The following CHI3L2 variants were observed in gnomAD, a reference collection of about 807,000 sequenced individuals.
CHI3L2 encodes the protein chitinase 3 like 2.
A neutral mutation model predicts 47.3 loss-of-function variants in CHI3L2; 47 were observed. That is an observed-to-expected ratio of 0.99 (90% confidence interval 0.79 to 1.27). The LOEUF is 1.27. Ranked by LOEUF, CHI3L2 falls within the 50% of genes most tolerant of loss-of-function variation. CHI3L2 has a pLI of 0.00. For missense variants in CHI3L2, 497 were observed against 462.1 expected (o/e 1.08, Z -0.69); for synonymous variants, 198 against 169.9 (o/e 1.17, Z -1.28).
At position 111,238,866 on chromosome 1, in the gene CHI3L2, C is replaced by A. The variant is rs757122419; in HGVS notation, c.852C>A (p.Ala284=). The change falls in exon 8 of 11, where the codon GCC becomes GCA. Residue 284 remains alanine, a synonymous_variant. Transcript: ENST00000369748. ...CCTCTGCAGAAACCACCGTGGGGGC[C>A]CCTGCCTCTGGCCCTGGAGCTGCTG... ...TLASAETTVG[A]PASGPGAAGP... is the part of the protein sequence containing the mutation. 3 of 1,613,550 alleles carry A rather than the reference C, an allele frequency of 1.9e-6. No homozygotes were observed. The highest frequency in any genetic ancestry group is 2.2e-5 in the South Asian group (2 of 90,946).
chr1:111,231,307 C>A lies in CHI3L2; in HGVS notation c.329+13C>A. On this transcript the variant is annotated intron_variant, in intron 4 of 10. Coordinates refer to ENST00000369748, the MANE Select transcript of CHI3L2 (RefSeq NM_004000.3). ...TTGGTTCCAAAGGGTAAGACTACAT[C>A]TTTATTTTTTGTTCATTTCCCCATG... is the stretch of plus-strand genomic sequence containing the variant. 6.3e-7 allele frequency: 1 copy of A among 1,586,554 alleles called. No homozygotes were observed. Among genetic ancestry groups the A allele is most frequent in the Non-Finnish European group, 8.6e-7 (1 of 1,160,026 alleles).
Position 111,235,689 on chromosome 1 carries a change from G to T in CHI3L2, c.531G>T (p.Arg177Ser). ...ACTTCACAAAATCCACCAAGGAAAGGCTTCTCTTGACTGCGGGCGTATCTG... is the reference window on the plus strand; with the variant it reads ...ACTTCACAAAATCCACCAAGGAAAGTCTTCTCTTGACTGCGGGCGTATCTG... ...QKDFTKSTKERLLLTAGVSAG... is the reference protein window; with the variant it reads ...QKDFTKSTKESLLLTAGVSAG... Residue 177 changes from arginine (R) to serine (S), a missense_variant, in exon 6 of 11, where the codon AGG becomes AGT. By Grantham distance (110) the Arg-to-Ser change is moderately radical (BLOSUM62 -1). Coordinates refer to ENST00000369748, the MANE Select transcript of CHI3L2 (RefSeq NM_004000.3). 1.9e-6 allele frequency: 3 copies of T among 1,614,194 alleles called. No homozygotes were observed. Among genetic ancestry groups the T allele is most frequent in the South Asian group, 2.2e-5 (2 of 91,076 alleles).
At chr1:111,238,714 C>T in intron 7 of CHI3L2, 36 bp from the exon 8 acceptor site, 1 of 1,606,284 alleles carries the variant, frequency 6.2e-7, no homozygotes, top group East Asian at 2.2e-5. Flanking sequence ...CTTTCTTTCC[C>T]CACACTCTGA....
chr1:111,241,933 A>T (rs979301110), intron 9 of CHI3L2, among the ~76,000 whole-genome samples: 4 of 152,164 alleles, frequency 2.6e-5, no homozygotes, highest in African/African-American at 9.7e-5. Context: ...AATCCTGGCC[A>T]CTTGTCTTGT....
chr1:111,241,321 T>A lies in CHI3L2; in HGVS notation c.919-6T>A. 1 of 1,482,932 alleles carries A rather than the reference T, an allele frequency of 6.7e-7. No homozygotes were observed. Among genetic ancestry groups the A allele is most frequent in the Non-Finnish European group, 9.4e-7 (1 of 1,058,704 alleles). 91.9% of individuals were successfully genotyped at this position (1,482,932 alleles called of 1,614,324 possible). ...CTGACCCTCTCGTTTCCCTTTCCCCTGCCAGATCTGCCAGTTCCTGAAAGG... is the reference window on the plus strand; with the variant it reads ...CTGACCCTCTCGTTTCCCTTTCCCCAGCCAGATCTGCCAGTTCCTGAAAGG... On this transcript the variant is annotated splice_region_variant and splice_polypyrimidine_tract_variant and intron_variant, in intron 8 of 10. Transcript: ENST00000369748.
At chr1:111,228,324 A>AGGAGG (rs1355554472) in intron 1 of CHI3L2, among the ~76,000 whole-genome samples, 1 of 152,176 alleles carries the variant, frequency 6.6e-6, no homozygotes, top group Non-Finnish European at 1.5e-5. Flanking sequence ...GACGTTTACC[A>AGGAGG]GGAGGGGAGG....
chr1:111,236,045 C>T lies in CHI3L2; in HGVS notation c.627C>T (p.Leu209=). 6.2e-7 allele frequency: 1 copy of T among 1,614,234 alleles called. No homozygotes were observed. The highest frequency in any genetic ancestry group is 8.5e-7 in the Non-Finnish European group (1 of 1,180,044). Residue 209 remains leucine (L), a synonymous_variant, in exon 7 of 11, where the codon CTC becomes CTT. Coordinates refer to ENST00000369748, the MANE Select transcript of CHI3L2 (RefSeq NM_004000.3). ...KLAKDLDFIN[L]LSFDFHGSWE... ...TTAGAGATCTGGATTTCATCAACCT[C>T]CTGTCCTTTGACTTCCATGGGTCTT...
intron 4 of CHI3L2, among the ~76,000 whole-genome samples, chr1:111,232,637 G>A (rs1039530648): frequency 6.6e-6 from 1 of 152,188 alleles, no homozygotes; most frequent in South Asian, 2.1e-4. Flanking sequence ...GGGCTCAATG[G>A]TTGCAGTAAT....
chr1:111,238,657 A>G (rs564734889), intron 7 of CHI3L2, 93 bp from the exon 8 acceptor site: 2 of 1,318,510 alleles, frequency 1.5e-6, no homozygotes, highest in African/African-American at 2.9e-5. Flanking sequence ...GAAACCAGGC[A>G]GTCACCTCTG....
intron 1 of CHI3L2, among the ~76,000 whole-genome samples, chr1:111,228,656 A>G (rs1659600377): frequency 6.6e-6 from 1 of 152,242 alleles, no homozygotes; most frequent in Non-Finnish European, 1.5e-5. Flanking sequence ...AGAGAACAGT[A>G]GAGCCCTGTT....
intron 1 of CHI3L2, 52 bp from the exon 2 acceptor site, chr1:111,229,800 A>T: frequency 1.9e-5 from 31 of 1,610,060 alleles, no homozygotes; most frequent in Non-Finnish European, 2.6e-5. Context: ...TATCTGGGAC[A>T]GCAGAACCAG....
intron 4 of CHI3L2, among the ~76,000 whole-genome samples, chr1:111,233,244 G>C (rs1659778604): frequency 6.6e-6 from 1 of 152,170 alleles, no homozygotes; most frequent in South Asian, 2.1e-4. Context: ...CGGGGGTGGG[G>C]AGATCTGCGT....
Position 111,241,460 on chromosome 1 carries a change from C to T in CHI3L2, c.1035+17C>T, listed in dbSNP as rs1316085953. On this transcript the variant is annotated intron_variant, in intron 9 of 10. Transcript: ENST00000369748. Reference sequence around the variant, plus strand: ...GAGACCAAGGTAGGTGGGCCACAGGCAGATACTCCTTTAGGTGGGGAATGG... The same window carrying T: ...GAGACCAAGGTAGGTGGGCCACAGGTAGATACTCCTTTAGGTGGGGAATGG... 2 of 1,228,804 alleles carry T rather than the reference C, an allele frequency of 1.6e-6. No individual in the cohort carries two copies. The highest frequency in any genetic ancestry group is 1.7e-5 in the Admixed American group (1 of 59,056). The allele number at this position is 1,228,804 out of a possible 1,614,324, so 76.1% of individuals were successfully genotyped here.
In CHI3L2 at chr1:111,230,960, T is replaced by C. The variant is rs776134082; in HGVS notation, c.272+17T>C. ...CAAAACCAAGTGAGTAAGATGGGGG[T>C]GGAAGCATCCTGCATGGATTTTAGA... On this transcript the variant is annotated intron_variant, in intron 3 of 10. Transcript: ENST00000369748. 2 of 1,604,056 alleles carry C rather than the reference T, an allele frequency of 1.2e-6. No individual in the cohort carries two copies. Among genetic ancestry groups the C allele is most frequent in the Middle Eastern group, 1.7e-4 (1 of 6,046 alleles).
At chr1:111,241,591 G>T in intron 9 of CHI3L2, 148 bp downstream of exon 9, 1 of 606,432 alleles carries the variant, frequency 1.6e-6, no homozygotes, top group Non-Finnish European at 3.0e-6. Context: ...AAGTCTAGTA[G>T]TGACTCTATG....
In CHI3L2 at chr1:111,230,829, C is replaced by G. The variant is rs1276024021; in HGVS notation, c.158C>G (p.Pro53Arg). Reference protein sequence around the residue: ...PGKFTPENIDPFLCSHLIYSF... With the variant: ...PGKFTPENIDRFLCSHLIYSF... ...AAATTCACCCCTGAGAATATTGACC[C>G]CTTCCTATGCTCTCATCTCATCTAT... The change falls in exon 3 of 11, where the codon CCC (proline) becomes CGC (arginine). Residue 53 changes from proline to arginine, a missense_variant. By Grantham distance (103) the Pro-to-Arg change is moderately radical (BLOSUM62 -2). Transcript: ENST00000369748. 6.2e-7 allele frequency: 1 copy of G among 1,614,082 alleles called. No homozygotes were observed. The highest frequency in any genetic ancestry group is 8.5e-7 in the Non-Finnish European group (1 of 1,179,992).
intron 9 of CHI3L2, 44 bp from the exon 10 acceptor site, chr1:111,242,183 G>C: frequency 6.2e-7 from 1 of 1,613,138 alleles, no homozygotes; most frequent in South Asian, 1.1e-5. Flanking sequence ...GGCATTTAGG[G>C]GCCACCCTTC....
At chr1:111,228,590 T>A (rs1342887330) in intron 1 of CHI3L2, among the ~76,000 whole-genome samples, 1 of 152,106 alleles carries the variant, frequency 6.6e-6, no homozygotes, top group Non-Finnish European at 1.5e-5. Flanking sequence ...ACTTAGTGAG[T>A]GTGTGGAGAA....
chr1:111,227,779 G>A lies in CHI3L2; in HGVS notation c.40+10G>A. ...AAGTCTCTCTGGGCAGGTGAGCATGGGGTTGATAATTCAGCAGGAAATTTG... is the reference window on the plus strand; with the variant it reads ...AAGTCTCTCTGGGCAGGTGAGCATGAGGTTGATAATTCAGCAGGAAATTTG... On this transcript the variant is annotated intron_variant, in intron 1 of 10. Coordinates refer to ENST00000369748, the MANE Select transcript of CHI3L2 (RefSeq NM_004000.3). 6.2e-7 allele frequency: 1 copy of A among 1,613,970 alleles called. No homozygotes were observed. Among genetic ancestry groups the A allele is most frequent in the South Asian group, 1.1e-5 (1 of 91,080 alleles).
Sources: gnomAD v4.1 joint callset for allele counts (sites outside exome capture counted in the v4.1 genomes callset) on GRCh38, gnomAD v4.1.1 for gene constraint, MANE v1.5 for transcripts, NCBI Gene and HGNC (gene_info 2026-07-23, HGNC 2026-07-21) for gene names.